The following LSAMP variants were observed in gnomAD, a reference collection of about 807,000 sequenced individuals.
The protein encoded by LSAMP is limbic system-associated membrane protein.
LSAMP carries 7 observed loss-of-function variants against 38.6 expected under a neutral mutation model. The ratio of observed to expected loss-of-function variants is 0.18; its 90% CI spans 0.10 to 0.34. LSAMP has a LOEUF of 0.34. LSAMP is among the 10% of genes least tolerant of loss of function. LSAMP has a pLI of 1.00. For synonymous variants in LSAMP, 154 were observed against 166.8 expected, an observed-to-expected ratio of 0.92 and a Z score of 0.59; for missense variants, 313 against 420.0, an observed-to-expected ratio of 0.75 and a Z score of 2.23.
chr3:116,131,212 C>G (rs1241925097), intron 1 of LSAMP, among the ~76,000 whole-genome samples: 2 of 151,916 alleles, frequency 1.3e-5, no homozygotes, highest in South Asian at 2.1e-4. Flanking sequence ...AGGATGGTCT[C>G]GATCTCCTGA....
At chr3:116,222,422 G>A (rs1029244009) in intron 1 of LSAMP, among the ~76,000 whole-genome samples, 3 of 151,670 alleles carry the variant, frequency 2.0e-5, no homozygotes, top group African/African-American at 7.3e-5. Context: ...TCCCCTTCAG[G>A]GCATGAACAC....
intron 2 of LSAMP, among the ~76,000 whole-genome samples, chr3:116,081,054 T>C (rs1707860359): frequency 6.6e-6 from 1 of 152,128 alleles, no homozygotes; most frequent in African/African-American, 2.4e-5. Context: ...TGAGATACCG[T>C]CTTGGAGTTC....
intron 1 of LSAMP, among the ~76,000 whole-genome samples, chr3:116,240,098 T>A (rs939958971): frequency 6.6e-6 from 1 of 152,174 alleles, no homozygotes; most frequent in Non-Finnish European, 1.5e-5. Context: ...TTTCAAATTA[T>A]ACAATTGATG....
At chr3:115,888,952 C>T (rs1264108218) in intron 3 of LSAMP, among the ~76,000 whole-genome samples, 1 of 151,882 alleles carries the variant, frequency 6.6e-6, no homozygotes, top group Non-Finnish European at 1.5e-5. Flanking sequence ...ATATTAGTCC[C>T]TCTCAGGGGT....
intron 6 of LSAMP, among the ~76,000 whole-genome samples, chr3:115,839,614 A>G (rs549134483): frequency 1.3e-5 from 2 of 152,108 alleles, no homozygotes; most frequent in Non-Finnish European, 2.9e-5. Context: ...TTCATATTCT[A>G]TTTTTTCAGT....
chr3:116,280,427 A>G (rs945423548), intron 1 of LSAMP, among the ~76,000 whole-genome samples: 4 of 152,198 alleles, frequency 2.6e-5, no homozygotes, highest in Admixed American at 1.3e-4. Flanking sequence ...ATTTTCAAGG[A>G]CTTGGCGACT....
intron 1 of LSAMP, among the ~76,000 whole-genome samples, chr3:116,260,030 A>T (rs1465825566): frequency 1.3e-5 from 2 of 152,036 alleles, no homozygotes; most frequent in Non-Finnish European, 2.9e-5. Flanking sequence ...CAATTTCCCA[A>T]GTATGTTCCT....
intron 1 of LSAMP, among the ~76,000 whole-genome samples, chr3:116,307,727 T>C (rs1290301584): frequency 6.6e-6 from 1 of 151,944 alleles, no homozygotes; most frequent in African/African-American, 2.4e-5. Context: ...TAAAATAGCA[T>C]TTAGAGAGAA....
intron 1 of LSAMP, among the ~76,000 whole-genome samples, chr3:116,226,442 A>G (rs2046343051): frequency 6.6e-6 from 1 of 152,196 alleles, no homozygotes; most frequent in South Asian, 2.1e-4. Context: ...CTAGAGGGAT[A>G]AAGCCATCTG....
intron 3 of LSAMP, among the ~76,000 whole-genome samples, chr3:115,953,607 G>T (rs1215534266): frequency 6.6e-6 from 1 of 152,148 alleles, no homozygotes; most frequent in African/African-American, 2.4e-5. Context: ...GAGAGTTGCT[G>T]CCATTAACGT....
At position 116,019,517 on chromosome 3, in the gene LSAMP, G is replaced by A. The variant is rs780023582; in HGVS notation, c.512C>T (p.Thr171Ile). ...TTGGAACCTGGAGTATTGCTTACCA[G>A]TTGGTGTAAGGTGTCTCCAGGTGAT... ...PVITWRHLTP[T>I]GREFEGEEEY... Residue 171 changes from threonine to isoleucine, a missense_variant and splice_region_variant, in exon 3 of 7, where the codon ACT (threonine) becomes ATT (isoleucine). By Grantham distance (89) the Thr-to-Ile change is moderately conservative (BLOSUM62 -1). Transcript: ENST00000490035. The A allele has an allele frequency of 2.9e-5, 47 of 1,611,660 alleles. No homozygotes were observed. The South Asian group carries it at 5.2e-4, about 18-fold the overall frequency.
chr3:116,223,332 T>C (rs998020751), intron 1 of LSAMP, among the ~76,000 whole-genome samples: 2 of 152,320 alleles, frequency 1.3e-5, no homozygotes, highest in East Asian at 3.9e-4. Context: ...CAAATATTTA[T>C]TGAGCACTTA....
At chr3:116,421,032 A>T (rs1017375516) in intron 1 of LSAMP, among the ~76,000 whole-genome samples, 2 of 152,234 alleles carry the variant, frequency 1.3e-5, no homozygotes, top group Admixed American at 1.3e-4. Context: ...AGAAATTGAT[A>T]AAAAATGGAT....
rs181696080 is a variant in LSAMP, at chr3:116,291,445, G to A, written c.155+153432C>T. ...AAGACGCTTAACCTCCGTGGGTTTC[G>A]GTATCTTCACCTGCAAAATAAGTGC... On this transcript the variant is annotated intron_variant, in intron 1 of 6. Transcript: ENST00000490035. Among the ~76,000 whole-genome samples the A allele has an allele frequency of 7.2e-5, 11 of 152,144 alleles. 1 individual carries two copies. The East Asian group carries it at 1.2e-3, about 16-fold the overall frequency.
chr3:116,441,669 T>C (rs2049437166), intron 1 of LSAMP, among the ~76,000 whole-genome samples: 2 of 152,190 alleles, frequency 1.3e-5, no homozygotes, highest in African/African-American at 4.8e-5. Flanking sequence ...TAGAAACTTA[T>C]CCTGTAATTG....
intron 1 of LSAMP, among the ~76,000 whole-genome samples, chr3:116,161,104 A>G (rs1187854716): frequency 6.6e-6 from 1 of 152,206 alleles, no homozygotes; most frequent in Non-Finnish European, 1.5e-5. Flanking sequence ...TTAAGTGTGA[A>G]TGGTCACATG....
At chr3:116,369,172 G>C (rs187148625) in intron 1 of LSAMP, among the ~76,000 whole-genome samples, 1 of 152,136 alleles carries the variant, frequency 6.6e-6, no homozygotes, top group Non-Finnish European at 1.5e-5. Flanking sequence ...TGATATGAAG[G>C]CTTCAGCTAG....
chr3:116,295,136 T>G (rs2107698596), intron 1 of LSAMP, among the ~76,000 whole-genome samples: 1 of 152,336 alleles, frequency 6.6e-6, no homozygotes, highest in Admixed American at 6.5e-5. Flanking sequence ...ATCTTTATAG[T>G]TGAGAGAAAA....
chr3:116,073,662 TC>T (rs1302105995), intron 2 of LSAMP, among the ~76,000 whole-genome samples: 2 of 152,230 alleles, frequency 1.3e-5, no homozygotes, highest in African/African-American at 2.4e-5. Context: ...CTTTTGCATA[TC>T]AATTTTGTAT....
Sources: allele counts gnomAD v4.1 joint callset (sites outside exome capture counted in the v4.1 genomes callset), GRCh38; gene constraint gnomAD v4.1.1; transcripts MANE v1.5; gene names NCBI Gene and HGNC (gene_info 2026-07-23, HGNC 2026-07-21).